ERC2: variants seen among roughly 807,000 people sequenced by gnomAD.
ERC2 encodes the protein ERC protein 2.
ERC2 carries 42 observed loss-of-function variants against 114.8 expected under a neutral mutation model. The ratio of observed to expected loss-of-function variants is 0.37; its 90% CI spans 0.29 to 0.47. ERC2 has a LOEUF of 0.47. Among genes scored for constraint, ERC2 ranks in the 20% least tolerant of loss-of-function variants. The pLI, the probability that ERC2 is intolerant of heterozygous loss-of-function variation, is 0.99. For missense variants in ERC2, 939 were observed against 1,150.7 expected (o/e 0.82, Z 2.66); for synonymous variants, 454 against 425.5 (o/e 1.07, Z -0.82).
rs557267341 is a variant in ERC2, at chr3:55,602,526, G to C, written c.*39+81268C>G. On this transcript the variant is annotated intron_variant, in intron 17 of 17. Transcript: ENST00000288221. ...TGCTAGGACAGTGCATCTACTATTAGTGGACACTTGGAAATCTCAGTCTCT... is the reference window on the plus strand; with the variant it reads ...TGCTAGGACAGTGCATCTACTATTACTGGACACTTGGAAATCTCAGTCTCT... 1.9e-4 allele frequency among the ~76,000 whole-genome samples: 29 copies of C among 152,314 alleles called. No homozygotes were observed. In the East Asian group the frequency reaches 5.6e-3, roughly 29 times the overall value.
intron 3 of ERC2, among the ~76,000 whole-genome samples, chr3:56,188,951 G>T (rs1387068804): frequency 1.3e-5 from 2 of 152,100 alleles, no homozygotes; most frequent in African/African-American, 4.8e-5. Flanking sequence ...CATTCATCAA[G>T]GTCTTGCCAT....
At chr3:55,632,065 C>T (rs2059778322) in intron 17 of ERC2, among the ~76,000 whole-genome samples, 1 of 152,208 alleles carries the variant, frequency 6.6e-6, no homozygotes, top group Non-Finnish European at 1.5e-5. Flanking sequence ...GGAGTCTGCA[C>T]TGAGTCTTGC....
At chr3:56,379,572 G>A (rs1407601500) in intron 2 of ERC2, among the ~76,000 whole-genome samples, 4 of 152,142 alleles carry the variant, frequency 2.6e-5, no homozygotes, top group African/African-American at 9.7e-5. Context: ...AGCAGGTGGT[G>A]ATGCTTGGAT....
At chr3:56,104,125 T>C (rs1039752905) in intron 6 of ERC2, among the ~76,000 whole-genome samples, 1 of 152,212 alleles carries the variant, frequency 6.6e-6, no homozygotes, top group East Asian at 1.9e-4. Flanking sequence ...ATGACTTAAA[T>C]GTTACTACAG....
chr3:56,214,191 C>A (rs1351121689), intron 3 of ERC2, among the ~76,000 whole-genome samples: 2 of 152,216 alleles, frequency 1.3e-5, no homozygotes, highest in Non-Finnish European at 2.9e-5. Flanking sequence ...AATCAAACTT[C>A]TCCGAGCTAA....
intron 3 of ERC2, among the ~76,000 whole-genome samples, chr3:56,240,883 G>A (rs978970739): frequency 1.1e-4 from 16 of 152,000 alleles, no homozygotes; most frequent in South Asian, 2.1e-4. Context: ...TGGATATATC[G>A]TGTGATGCTG....
intron 17 of ERC2, among the ~76,000 whole-genome samples, chr3:55,542,973 C>T (rs761661692): frequency 1.6e-4 from 25 of 152,188 alleles, no homozygotes; most frequent in Non-Finnish European, 3.1e-4. Flanking sequence ...GCAGGGATTC[C>T]TCCTGGGCTG....
chr3:55,733,067 C>A (rs550502586), intron 15 of ERC2, among the ~76,000 whole-genome samples: 1 of 152,256 alleles, frequency 6.6e-6, no homozygotes, highest in African/African-American at 2.4e-5. Context: ...GCCAGCACCA[C>A]AAGTGCATGG....
At chr3:56,348,429 C>T (rs969107012) in intron 2 of ERC2, among the ~76,000 whole-genome samples, 9 of 151,598 alleles carry the variant, frequency 5.9e-5, no homozygotes, top group Non-Finnish European at 1.3e-4. Context: ...ACAGAGTGTG[C>T]GTGCTGTCTA....
intron 2 of ERC2, among the ~76,000 whole-genome samples, chr3:56,392,244 C>T (rs188836414): frequency 1.3e-5 from 2 of 152,230 alleles, no homozygotes; most frequent in Admixed American, 1.3e-4. Flanking sequence ...TTAATGCCAC[C>T]ACAACAGTTT....
intron 17 of ERC2, among the ~76,000 whole-genome samples, chr3:55,597,566 G>A (rs997510457): frequency 1.4e-4 from 21 of 152,082 alleles, no homozygotes; most frequent in African/African-American, 3.9e-4. Flanking sequence ...CCTTAAGTCC[G>A]GTAGTTCTTC....
chr3:56,033,015 GAA>G (rs1307940036), intron 7 of ERC2, among the ~76,000 whole-genome samples: 1 of 98,796 alleles, frequency 1.0e-5, no homozygotes. Flanking sequence ...AAGAAAGAAA[GAA>G]AGAAAAAAGA....
intron 13 of ERC2, among the ~76,000 whole-genome samples, chr3:55,942,187 G>C (rs1336449403): frequency 6.6e-6 from 1 of 150,844 alleles, no homozygotes; most frequent in Non-Finnish European, 1.5e-5. Flanking sequence ...ATCGTGGGCA[G>C]GTCATTTGCC....
chr3:56,060,389 C>G (rs1229037902), intron 7 of ERC2, among the ~76,000 whole-genome samples: 1 of 152,226 alleles, frequency 6.6e-6, no homozygotes, highest in East Asian at 1.9e-4. Flanking sequence ...AACCCCCACC[C>G]TTTAAAGGTT....
rs2067608452 is a variant in ERC2, at chr3:55,952,179, A to ATATATATAT, written c.2268-1620_2268-1619insATATATATA. Among the ~76,000 whole-genome samples, 20 of 62,098 alleles carry ATATATATAT rather than the reference A, an allele frequency of 3.2e-4. No homozygotes were observed. The East Asian group carries it at 5.0e-3, about 16-fold the overall frequency. 40.7% of individuals were successfully genotyped at this position (62,098 alleles called of 152,430 possible). ...CACACACACACACACACACACACAC[A>ATATATATAT]CTCTCTCTCTCTCTCTCTCTATATA... On this transcript the variant is annotated intron_variant, in intron 12 of 17. Coordinates refer to ENST00000288221, the MANE Select transcript of ERC2 (RefSeq NM_015576.3).
intron 17 of ERC2, among the ~76,000 whole-genome samples, chr3:55,622,518 T>G (rs1231559559): frequency 1.3e-5 from 2 of 152,144 alleles, no homozygotes; most frequent in African/African-American, 2.4e-5. Context: ...ATCATAGCAT[T>G]TGAAATTCTG....
At chr3:55,549,929 C>CG (rs2055039190) in intron 17 of ERC2, among the ~76,000 whole-genome samples, 4 of 68,706 alleles carry the variant, frequency 5.8e-5, no homozygotes, top group African/African-American at 1.7e-4. Flanking sequence ...CCGACACACA[C>CG]AAGAGAGAGA....
intron 17 of ERC2, among the ~76,000 whole-genome samples, chr3:55,546,516 G>A (rs377762916): frequency 6.6e-6 from 1 of 152,172 alleles, no homozygotes; most frequent in African/African-American, 2.4e-5. Flanking sequence ...TCCAGGTTCT[G>A]TAAGGGCAGG....
At chr3:56,350,553 G>GAGAT (rs1553928932) in intron 2 of ERC2, among the ~76,000 whole-genome samples, 241 of 143,366 alleles carry the variant, frequency 1.7e-3, no homozygotes, top group African/African-American at 5.5e-3. Flanking sequence ...AAAAGAAGAG[G>GAGAT]ATATATATAT....
Sources: allele counts gnomAD v4.1 joint callset (sites outside exome capture counted in the v4.1 genomes callset), GRCh38; gene constraint gnomAD v4.1.1; transcripts MANE v1.5; gene names NCBI Gene and HGNC (gene_info 2026-07-23, HGNC 2026-07-21).